Variants in SYNPR observed in about 807,000 individuals in gnomAD.
The protein encoded by SYNPR is synaptoporin.
SYNPR carries 23 observed loss-of-function variants against 32.9 expected under a neutral mutation model. The observed-to-expected ratio is 0.70, with a 90% CI of 0.50 to 0.99. The LOEUF (loss-of-function observed/expected upper bound fraction) is 0.99. Among genes scored for constraint, SYNPR ranks in the 50% least tolerant of loss-of-function variants. SYNPR has a pLI of 0.00. For missense variants in SYNPR, 318 were observed against 349.3 expected, an observed-to-expected ratio of 0.91 and a Z score of 0.71; for synonymous variants, 146 against 135.9, an observed-to-expected ratio of 1.07 and a Z score of -0.52.
chr3:63,396,422 G>A (rs982929732), intron 2 of SYNPR, among the ~76,000 whole-genome samples: 5 of 152,140 alleles, frequency 3.3e-5, no homozygotes, highest in Admixed American at 6.5e-5. Flanking sequence ...AGGAAGGAGG[G>A]GAGAAGTTTT....
At chr3:63,344,693 G>C (rs1328348086) in intron 2 of SYNPR, among the ~76,000 whole-genome samples, 1 of 150,552 alleles carries the variant, frequency 6.6e-6, no homozygotes, top group Non-Finnish European at 1.5e-5. Flanking sequence ...TCGATTCATT[G>C]AGACAGCAGT....
At chr3:63,605,560 G>C (rs1474441686) in intron 4 of SYNPR, among the ~76,000 whole-genome samples, 1 of 152,184 alleles carries the variant, frequency 6.6e-6, no homozygotes, top group African/African-American at 2.4e-5. Flanking sequence ...GTGATGGGCA[G>C]GCAGTAATGA....
chr3:63,294,236 T>C (rs1355947700), intron 2 of SYNPR, among the ~76,000 whole-genome samples: 1 of 152,200 alleles, frequency 6.6e-6, no homozygotes, highest in Non-Finnish European at 1.5e-5. Context: ...GTTATTAACT[T>C]AGATGTAGAA....
chr3:63,368,518 G>A (rs1190948556), intron 2 of SYNPR, among the ~76,000 whole-genome samples: 2 of 152,164 alleles, frequency 1.3e-5, no homozygotes, highest in South Asian at 2.1e-4. Context: ...TGAAAAAGGC[G>A]ATGATTGAGT....
chr3:63,331,908 G>T (rs916695000), intron 2 of SYNPR, among the ~76,000 whole-genome samples: 41 of 152,168 alleles, frequency 2.7e-4, no homozygotes, highest in African/African-American at 9.6e-4. Context: ...AAGTTGATAT[G>T]CCTCTTCTGG....
At chr3:63,571,128 T>G (rs916237542) in intron 4 of SYNPR, among the ~76,000 whole-genome samples, 1 of 152,172 alleles carries the variant, frequency 6.6e-6, no homozygotes, top group African/African-American at 2.4e-5. Flanking sequence ...GAGACTCAGC[T>G]TGCTATTTTA....
chr3:63,584,871 A>C (rs993706643), intron 4 of SYNPR, among the ~76,000 whole-genome samples: 2 of 152,096 alleles, frequency 1.3e-5, no homozygotes, highest in Non-Finnish European at 2.9e-5. Context: ...CTTGCTTCTC[A>C]AAGTATGTCC....
rs200491081 is a variant in SYNPR at position 63,595,977 on chromosome 3, T to TTA, written c.409-13137_409-13136dup. Among the ~76,000 whole-genome samples the TTA allele has an allele frequency of 4.6e-4, 43 of 94,430 alleles. 1 individual carries two copies. The highest frequency in any genetic ancestry group is 3.2e-4 in the East Asian group (1 of 3,168). The allele number at this position is 94,430 out of a possible 152,430, so 61.9% of individuals were successfully genotyped here. ...TATATATATAGTTTTATATATAGTT[T>TTA]TATATATATATAGTTTTATATATAT... On this transcript the variant is annotated intron_variant, in intron 4 of 5. Transcript: ENST00000478300.
chr3:63,520,259 T>C (rs1295263547), intron 3 of SYNPR, among the ~76,000 whole-genome samples: 3 of 152,222 alleles, frequency 2.0e-5, no homozygotes, highest in Non-Finnish European at 2.9e-5. Flanking sequence ...GGAAGTTAAA[T>C]GGAATTCTGG....
chr3:63,553,500 T>C (rs1222768630), intron 3 of SYNPR, among the ~76,000 whole-genome samples: 2 of 152,186 alleles, frequency 1.3e-5, no homozygotes, highest in African/African-American at 4.8e-5. Context: ...TTTTAAGTTA[T>C]TTGAGAAATC....
intron 2 of SYNPR, among the ~76,000 whole-genome samples, chr3:63,261,565 A>T (rs1184630234): frequency 5.2e-5 from 4 of 76,314 alleles, no homozygotes; most frequent in East Asian, 4.9e-4. Flanking sequence ...GGGGACTGTC[A>T]TGGGGTGGGG....
At chr3:63,607,398 A>G (rs17069143) in intron 4 of SYNPR, among the ~76,000 whole-genome samples, 5,666 of 152,302 alleles carry the variant, frequency 0.037, 324 homozygotes, top group African/African-American at 0.12. Context: ...TTTCAAATTC[A>G]GACCCAAACA....
chr3:63,572,420 C>T (rs1488924950), intron 4 of SYNPR, among the ~76,000 whole-genome samples: 3 of 152,148 alleles, frequency 2.0e-5, no homozygotes, highest in Non-Finnish European at 2.9e-5. Context: ...GGATCCAACA[C>T]CTGCTGACTC....
At chr3:63,259,180 C>A (rs1002667652) in intron 2 of SYNPR, among the ~76,000 whole-genome samples, 1 of 152,128 alleles carries the variant, frequency 6.6e-6, no homozygotes, top group South Asian at 2.1e-4. Flanking sequence ...TGAAACTATT[C>A]CAACCAACAG....
intron 4 of SYNPR, among the ~76,000 whole-genome samples, chr3:63,601,840 A>T (rs1164692468): frequency 1.3e-5 from 2 of 152,176 alleles, no homozygotes; most frequent in Non-Finnish European, 2.9e-5. Flanking sequence ...TCCTTTGGGT[A>T]TATACCCAAT....
At chr3:63,422,885 A>T (rs966998039) in intron 2 of SYNPR, among the ~76,000 whole-genome samples, 2 of 152,198 alleles carry the variant, frequency 1.3e-5, no homozygotes, top group Non-Finnish European at 2.9e-5. Flanking sequence ...CAAAAATTGA[A>T]AACAACTTAA....
rs1041265941 is a variant in SYNPR, at chr3:63,267,025, C to A, written n.155-292C>A. Among the ~76,000 whole-genome samples the A allele has an allele frequency of 4.6e-5, 7 of 152,154 alleles. No homozygotes were observed. In the South Asian group the frequency reaches 1.5e-3, roughly 32 times the overall value. ...AGGCCTTATGAAAGTCATAATGTGG[C>A]CCTGGGATTTTCTTGGGTGCTTTAA... On this transcript the variant is annotated intron_variant and non_coding_transcript_variant, in intron 2 of 4. Coordinates refer to the SYNPR transcript ENST00000478456.
chr3:63,311,885 T>A (rs962914992), intron 2 of SYNPR, among the ~76,000 whole-genome samples: 2 of 152,024 alleles, frequency 1.3e-5, no homozygotes, highest in African/African-American at 4.8e-5. Context: ...GGAGAGAACC[T>A]TGAGTAGGAA....
intron 3 of SYNPR, among the ~76,000 whole-genome samples, chr3:63,530,496 T>G (rs139078113): frequency 3.3e-5 from 5 of 152,332 alleles, no homozygotes; most frequent in African/African-American, 1.2e-4. Flanking sequence ...TTAACAGAAT[T>G]GCTGTGATGA....
Sources: allele counts gnomAD v4.1 joint callset (sites outside exome capture counted in the v4.1 genomes callset), GRCh38; gene constraint gnomAD v4.1.1; transcripts MANE v1.5; gene names NCBI Gene and HGNC (gene_info 2026-07-23, HGNC 2026-07-21).